NDST3: variants seen among roughly 807,000 people sequenced by gnomAD.
NDST3 encodes bifunctional heparan sulfate N-deacetylase/N-sulfotransferase 3.
A neutral mutation model predicts 96.1 loss-of-function variants in NDST3; 58 were observed. The ratio of observed to expected loss-of-function variants is 0.60; its 90% CI spans 0.49 to 0.75. The LOEUF is 0.75. Ranked by LOEUF, NDST3 falls within the 30% of genes least tolerant of loss-of-function variation. NDST3 has a pLI of 0.00. For synonymous variants in NDST3, 333 were observed against 359.7 expected (o/e 0.93, Z 0.84); for missense variants, 788 against 1,034.2 (o/e 0.76, Z 3.27).
intron 7 of NDST3, 126 bp from the exon 8 acceptor site, chr4:118,226,760 T>A (rs1028874410): frequency 1.7e-5 from 11 of 659,056 alleles, no homozygotes; most frequent in Middle Eastern, 2.7e-4. Flanking sequence ...TTCATTTTTT[T>A]AAAAGAGTCT....
In NDST3 at chr4:118,249,126, C is replaced by T. The variant is rs74391528; in HGVS notation, c.2400-4373C>T. 4.7e-3 allele frequency among the ~76,000 whole-genome samples: 719 copies of T among 152,232 alleles called. 11 individuals are homozygous for T. Among genetic ancestry groups the T allele is most frequent in the African/African-American group, 0.017 (692 of 41,542 alleles). ...CGACATAAAAGAAAAACCTATTTTTCTTTTGATTCTTAATTTTAGCATGTG... is the reference window on the plus strand; with the variant it reads ...CGACATAAAAGAAAAACCTATTTTTTTTTTGATTCTTAATTTTAGCATGTG... On this transcript the variant is annotated intron_variant, in intron 12 of 13. Transcript: ENST00000296499.
chr4:118,115,035 T>G (rs183861552), intron 4 of NDST3, 75 bp downstream of exon 4: 2 of 1,491,448 alleles, frequency 1.3e-6, no homozygotes, highest in Non-Finnish European at 1.8e-6. Context: ...CATTGTGGCA[T>G]AGTTGCGCTT....
At chr4:118,045,085 A>G (rs528363963) in intron 1 of NDST3, among the ~76,000 whole-genome samples, 3 of 152,276 alleles carry the variant, frequency 2.0e-5, no homozygotes, top group African/African-American at 7.2e-5. Flanking sequence ...AATCTGGGTT[A>G]CCCATACATA....
At chr4:118,071,075 T>C (rs577784132) in intron 2 of NDST3, among the ~76,000 whole-genome samples, 3 of 152,220 alleles carry the variant, frequency 2.0e-5, no homozygotes, top group Admixed American at 6.5e-5. Flanking sequence ...TATGGCTGCA[T>C]AGTATTCCAT....
intron 6 of NDST3, among the ~76,000 whole-genome samples, chr4:118,146,551 G>A (rs1733961239): frequency 1.3e-5 from 2 of 151,392 alleles, no homozygotes; most frequent in Non-Finnish European, 2.9e-5. Context: ...TCACAGCAAA[G>A]GTAAAAAAAC....
At chr4:118,242,230 G>C in intron 12 of NDST3, 81 bp downstream of exon 12, 1 of 905,316 alleles carries the variant, frequency 1.1e-6, no homozygotes, top group African/African-American at 1.7e-5. Context: ...TCATACAACT[G>C]TCAGGTTACT....
chr4:118,167,588 G>A (rs895910958), intron 6 of NDST3, among the ~76,000 whole-genome samples: 3 of 151,710 alleles, frequency 2.0e-5, no homozygotes, highest in African/African-American at 7.3e-5. Flanking sequence ...ACCACAAAGG[G>A]CCCCAAAAAT....
At chr4:118,071,788 G>A (rs575900622) in intron 2 of NDST3, among the ~76,000 whole-genome samples, 26 of 152,066 alleles carry the variant, frequency 1.7e-4, no homozygotes, top group African/African-American at 6.0e-4. Context: ...CCAATAATAC[G>A]GTTGCAATGG....
rs867586086 is a variant in NDST3 at position 118,054,463 on chromosome 4, T to C, written c.553T>C (p.Tyr185His). ...FQLKGFPFSI[Y>H]GNLAVKDCCI... Reference sequence around the variant, plus strand: ...GTTAAAAGGTTTCCCTTTTTCCATATATGGAAATCTTGCAGTAAAAGATTG... The same window carrying C: ...GTTAAAAGGTTTCCCTTTTTCCATACATGGAAATCTTGCAGTAAAAGATTG... The change falls in exon 2 of 14, where the codon TAT becomes CAT. Residue 185 changes from tyrosine (Y) to histidine (H), a missense_variant. Tyr to His is a moderately conservative substitution (Grantham distance 83, BLOSUM62 2). Coordinates refer to ENST00000296499, the MANE Select transcript of NDST3 (RefSeq NM_004784.3). The C allele has an allele frequency of 3.7e-6, 6 of 1,613,054 alleles. No homozygotes were observed. Among genetic ancestry groups the C allele is most frequent in the African/African-American group, 2.7e-5 (2 of 74,958 alleles).
At chr4:118,253,701 T>A (rs1741919780) in intron 13 of NDST3, 100 bp downstream of exon 13, 1 of 815,850 alleles carries the variant, frequency 1.2e-6, no homozygotes, top group Non-Finnish European at 1.9e-6. Flanking sequence ...AATTCAGCCT[T>A]TCTAAAAATT....
intron 2 of NDST3, among the ~76,000 whole-genome samples, chr4:118,095,226 T>G (rs1419484911): frequency 6.6e-6 from 1 of 151,764 alleles, no homozygotes; most frequent in Admixed American, 6.6e-5. Flanking sequence ...ACTAAAACCT[T>G]GAGGTGTGAA....
chr4:118,054,820 TAC>T lies in NDST3; in HGVS notation c.912_913del (p.Ile305SerfsTer5). On this transcript the variant is annotated frameshift_variant, in exon 2 of 14. Coordinates refer to ENST00000296499, the MANE Select transcript of NDST3 (RefSeq NM_004784.3). LOFTEE classifies it high-confidence loss of function. The stretch of plus-strand genomic sequence containing the variant: ...GAGGCTGACATTGTCCTTGGACAGG[TAC>T]ATTCTTGTGGATATTGATGATATAT... ...GKRLTLSLDR[Y>X]ILVDIDDIFV... 6.2e-7 allele frequency: 1 copy of T among 1,613,106 alleles called. No homozygotes were observed. Among genetic ancestry groups the T allele is most frequent in the South Asian group, 1.1e-5 (1 of 91,060 alleles).
chr4:118,224,804 T>C, intron 7 of NDST3, 131 bp downstream of exon 7: 1 of 717,220 alleles, frequency 1.4e-6, no homozygotes, highest in Non-Finnish European at 2.2e-6. Flanking sequence ...TTTGAGAAAC[T>C]ACTCCTTCCT....
In NDST3 at chr4:118,166,078, A is replaced by G. The variant is rs189825029; in HGVS notation, c.1539+22394A>G. 7.9e-5 allele frequency among the ~76,000 whole-genome samples: 12 copies of G among 151,932 alleles called. No individual in the cohort carries two copies. In the East Asian group the frequency reaches 1.7e-3, roughly 22 times the overall value. On this transcript the variant is annotated intron_variant, in intron 6 of 13. Transcript: ENST00000296499. ...GGAAACAATAAAGATTAGAGCAAAA[A>G]TAAATGAAATAGAAAATATAAAAAT... is the stretch of plus-strand genomic sequence containing the variant.
At chr4:118,221,168 C>A (rs969118699) in intron 6 of NDST3, among the ~76,000 whole-genome samples, 1 of 151,880 alleles carries the variant, frequency 6.6e-6, no homozygotes, top group Non-Finnish European at 1.5e-5. Flanking sequence ...CTATGGTCAC[C>A]CAGAAGCATA....
chr4:118,044,478 T>C (rs183243209), intron 1 of NDST3, among the ~76,000 whole-genome samples: 1 of 152,364 alleles, frequency 6.6e-6, no homozygotes, highest in East Asian at 1.9e-4. Flanking sequence ...GTCCCTTCCC[T>C]ACAATTCTCC....
rs1000739348 is a variant in NDST3 at position 118,038,913 on chromosome 4, T to G, written c.-156+4321T>G. Reference sequence around the variant, plus strand: ...ATTTTTACTTTGGGATGATGGTGGGTGTTAGTGGAAGAGAAAAGATAGGTT... The same window carrying G: ...ATTTTTACTTTGGGATGATGGTGGGGGTTAGTGGAAGAGAAAAGATAGGTT... On this transcript the variant is annotated intron_variant, in intron 1 of 13. Coordinates refer to ENST00000296499, the MANE Select transcript of NDST3 (RefSeq NM_004784.3). 6.6e-5 allele frequency among the ~76,000 whole-genome samples: 10 copies of G among 152,172 alleles called. 1 individual carries two copies. The South Asian group carries it at 1.4e-3, about 22-fold the overall frequency.
intron 4 of NDST3, among the ~76,000 whole-genome samples, chr4:118,129,481 T>C (rs1031879110): frequency 1.3e-5 from 2 of 152,004 alleles, no homozygotes; most frequent in African/African-American, 4.8e-5. Flanking sequence ...TTAATTTCCA[T>C]TGAGTTTGTA....
At chr4:118,124,184 G>A (rs556234965) in intron 4 of NDST3, among the ~76,000 whole-genome samples, 1 of 152,134 alleles carries the variant, frequency 6.6e-6, no homozygotes, top group African/African-American at 2.4e-5. Context: ...TAGAAGAAAT[G>A]TATATTGTTT....
Sources: gnomAD v4.1 joint callset for allele counts (sites outside exome capture counted in the v4.1 genomes callset) on GRCh38, gnomAD v4.1.1 for gene constraint, MANE v1.5 for transcripts, NCBI Gene and HGNC (gene_info 2026-07-23, HGNC 2026-07-21) for gene names.